Variants in EPM2A observed in about 807,000 individuals in gnomAD.
EPM2A encodes the protein laforin.
In EPM2A, 21 loss-of-function variants were observed where a neutral mutation model predicts 26.5. That is an observed-to-expected ratio of 0.79 (90% confidence interval 0.56 to 1.14). EPM2A has a LOEUF of 1.14. EPM2A is among the 50% of genes most tolerant of loss of function. EPM2A has a pLI of 0.00. For missense variants in EPM2A, 458 were observed against 440.8 expected (o/e 1.04, Z -0.35); for synonymous variants, 217 against 177.6 (o/e 1.22, Z -1.76).
chr6:145,617,618 T>C (rs1453931589), intron 2 of EPM2A, among the ~76,000 whole-genome samples: 3 of 152,232 alleles, frequency 2.0e-5, no homozygotes, highest in Non-Finnish European at 4.4e-5. Context: ...TTTAATATTT[T>C]CTTCACATTT....
At chr6:145,498,016 T>A (rs1022379356), downstream of EPM2A, among the ~76,000 whole-genome samples, 1 of 152,010 alleles carries the variant, frequency 6.6e-6, no homozygotes, top group Non-Finnish European at 1.5e-5. Context: ...AGTTTGGAGG[T>A]CCTGCCCAGA....
intron 4 of EPM2A, among the ~76,000 whole-genome samples, chr6:145,390,170 C>T (rs1225267945): frequency 6.6e-6 from 1 of 152,142 alleles, no homozygotes; most frequent in African/African-American, 2.4e-5. Context: ...ACTGCAGTTG[C>T]AGTTCGCTGG....
rs529705251 is a variant in EPM2A at position 145,607,910 on chromosome 6, T to G, written c.340+27335A>C. ...GAAAATTACATTTATACTTCAAAGC[T>G]CTTGCTATCATGTGAGGCCAACGCT... On this transcript the variant is annotated intron_variant, in intron 2 of 3. Coordinates refer to the EPM2A transcript ENST00000450221. Among the ~76,000 whole-genome samples, 37 of 152,184 alleles carry G rather than the reference T, an allele frequency of 2.4e-4. 1 individual carries two copies. Among genetic ancestry groups the G allele is most frequent in the Non-Finnish European group, 4.9e-4 (33 of 68,032 alleles).
At chr6:145,659,095 T>A (rs1383971351) in intron 2 of EPM2A, among the ~76,000 whole-genome samples, 1 of 152,232 alleles carries the variant, frequency 6.6e-6, no homozygotes, top group Non-Finnish European at 1.5e-5. Context: ...AAGCTATTAC[T>A]ATGTCTTTGG....
chr6:145,712,180 G>T (rs1019238744), intron 1 of EPM2A, among the ~76,000 whole-genome samples: 1 of 152,082 alleles, frequency 6.6e-6, no homozygotes, highest in Non-Finnish European at 1.5e-5. Context: ...TTAAGAAGGG[G>T]TGAGATGATG....
At chr6:145,582,285 T>C (rs990634376) in intron 2 of EPM2A, among the ~76,000 whole-genome samples, 4 of 152,230 alleles carry the variant, frequency 2.6e-5, no homozygotes, top group African/African-American at 9.6e-5. Flanking sequence ...TATTTATATT[T>C]TGCCATGGTA....
chr6:145,684,449 T>C (rs998496343), intron 2 of EPM2A, among the ~76,000 whole-genome samples: 16 of 152,294 alleles, frequency 1.1e-4, no homozygotes, highest in South Asian at 6.2e-4. Context: ...TGTCAGACCA[T>C]CTCAAGAAGT....
At chr6:145,490,250 CA>C (rs1235340042) in intron 4 of EPM2A, 23 of 1,284,064 alleles carry the variant, frequency 1.8e-5, no homozygotes, top group Non-Finnish European at 2.4e-5. Context: ...ACATAAAGAA[CA>C]ATAGTTGGGT....
In EPM2A at chr6:145,626,281, A is replaced by C; in HGVS notation, c.*1135T>G. On this transcript the variant is annotated 3_prime_UTR_variant, in exon 4 of 4. Transcript: ENST00000367519. ...TAGAACCTAGGGTGATGAGCTGCAT[A>C]GTCTGGAGGCACAGGAACTGCATAT... The C allele has an allele frequency of 1.0e-6, 1 of 987,462 alleles. No individual in the cohort carries two copies. The highest frequency in any genetic ancestry group is 4.7e-5 in the South Asian group (1 of 21,432). The allele number at this position is 987,462 out of a possible 1,614,324, so 61.2% of individuals were successfully genotyped here. A position where few individuals can be genotyped will look rare whatever the true frequency, so the allele number is the denominator to read the frequency against.
chr6:145,709,187 T>C (rs1782396182), intron 1 of EPM2A, among the ~76,000 whole-genome samples: 1 of 152,188 alleles, frequency 6.6e-6, no homozygotes, highest in South Asian at 2.1e-4. Flanking sequence ...TTTGAGTTAA[T>C]ATTAAAATGA....
intron 1 of EPM2A, among the ~76,000 whole-genome samples, chr6:145,703,313 G>A (rs1185117357): frequency 6.6e-6 from 1 of 151,820 alleles, no homozygotes; most frequent in Non-Finnish European, 1.5e-5. Flanking sequence ...GGGTGGTCTC[G>A]ATCTCCTGAC....
intron 2 of EPM2A, among the ~76,000 whole-genome samples, chr6:145,578,130 T>C (rs1781060706): frequency 6.6e-6 from 1 of 151,904 alleles, no homozygotes; most frequent in Non-Finnish European, 1.5e-5. Context: ...TAATGATGCA[T>C]CTTAAAGAAC....
intron 4 of EPM2A, among the ~76,000 whole-genome samples, chr6:145,404,849 G>A (rs1178711498): frequency 6.6e-6 from 1 of 152,064 alleles, no homozygotes; most frequent in African/African-American, 2.4e-5. Context: ...TTTAAATATA[G>A]TGGCTTGAAT....
At chr6:145,531,015 T>C (rs1780347702) in intron 2 of EPM2A, among the ~76,000 whole-genome samples, 1 of 152,170 alleles carries the variant, frequency 6.6e-6, no homozygotes, top group Non-Finnish European at 1.5e-5. Context: ...TTTCTTTCTC[T>C]CCTTTGCAGC....
In EPM2A at chr6:145,689,800, T is replaced by C. The variant is rs562029982; in HGVS notation, c.302-3504A>G. ...CCTCAACCCACTCACTATCATGGTG[T>C]CAGAGAAGGATGAGTAGGGGTCTGA... On this transcript the variant is annotated intron_variant, in intron 1 of 3. Transcript: ENST00000367519. Among the ~76,000 whole-genome samples, 7 of 152,284 alleles carry C rather than the reference T, an allele frequency of 4.6e-5. No homozygotes were observed. The East Asian group carries it at 1.4e-3, about 29-fold the overall frequency.
intron 2 of EPM2A, among the ~76,000 whole-genome samples, chr6:145,544,844 AGG>A (rs770940309): frequency 8.4e-4 from 128 of 152,308 alleles, no homozygotes; most frequent in Non-Finnish European, 8.5e-4. Context: ...GTGGGTTCCC[AGG>A]GTAGGACCCC....
intron 2 of EPM2A, among the ~76,000 whole-genome samples, chr6:145,538,901 A>G (rs1195858986): frequency 6.6e-6 from 1 of 152,216 alleles, no homozygotes; most frequent in Admixed American, 6.5e-5. Flanking sequence ...GCTCAAGGGA[A>G]CACAGTAAAT....
At chr6:145,718,782 C>T (rs189823822) in intron 1 of EPM2A, among the ~76,000 whole-genome samples, 271 of 152,232 alleles carry the variant, frequency 1.8e-3, no homozygotes, top group African/African-American at 5.3e-3. Context: ...ACACAAAAAA[C>T]GAACAACCCC....
intron 2 of EPM2A, among the ~76,000 whole-genome samples, chr6:145,558,706 A>C (rs1362860876): frequency 6.6e-6 from 1 of 151,920 alleles, no homozygotes; most frequent in Admixed American, 6.6e-5. Context: ...GTTTATTCAG[A>C]TCCTTTGCCA....
Sources: allele counts gnomAD v4.1 joint callset (sites outside exome capture counted in the v4.1 genomes callset), GRCh38; gene constraint gnomAD v4.1.1; transcripts MANE v1.5; gene names NCBI Gene and HGNC (gene_info 2026-07-23, HGNC 2026-07-21).